Variants in DCLK2 observed in about 807,000 individuals in gnomAD.
DCLK2 encodes doublecortin like kinase 2, also known as serine/threonine-protein kinase DCLK2.
Under a neutral mutation model 78.4 loss-of-function variants are expected in DCLK2, and 31 were observed. The ratio of observed to expected loss-of-function variants is 0.40; its 90% CI spans 0.30 to 0.53. DCLK2 has a LOEUF of 0.53. Among genes scored for constraint, DCLK2 ranks in the 20% least tolerant of loss-of-function variants. DCLK2 has a pLI of 0.61. For missense variants in DCLK2, 872 were observed against 973.7 expected (o/e 0.90, Z 1.39); for synonymous variants, 407 against 374.9 (o/e 1.09, Z -0.99).
At chr4:150,192,816 C>G (rs1560853823) in intron 2 of DCLK2, among the ~76,000 whole-genome samples, 1 of 152,134 alleles carries the variant, frequency 6.6e-6, no homozygotes, top group Non-Finnish European at 1.5e-5. Context: ...GAGCAGAGGC[C>G]TTCATGAATG....
chr4:150,139,774 CT>C (rs1442302645), intron 2 of DCLK2, among the ~76,000 whole-genome samples: 3 of 152,182 alleles, frequency 2.0e-5, no homozygotes, highest in Non-Finnish European at 4.4e-5. Flanking sequence ...GGTAGGGAGG[CT>C]CAGCAGTGCC....
chr4:150,108,860 G>A (rs1731456829), intron 2 of DCLK2, among the ~76,000 whole-genome samples: 1 of 152,146 alleles, frequency 6.6e-6, no homozygotes, highest in African/African-American at 2.4e-5. Flanking sequence ...CATGGGCAGA[G>A]GCAAAACAGA....
rs555992075 is a variant in DCLK2, at chr4:150,173,948, T to G, written c.757-19190T>G. 5.9e-5 allele frequency among the ~76,000 whole-genome samples: 9 copies of G among 152,306 alleles called. No homozygotes were observed. In the South Asian group the frequency reaches 1.9e-3, roughly 32 times the overall value. On this transcript the variant is annotated intron_variant, in intron 2 of 15. Coordinates refer to ENST00000296550, the MANE Select transcript of DCLK2 (RefSeq NM_001040260.4). ...AGAGGGAAGGATTGCTGAACTCCTATGAAGTCGAAGGGGTTATGAATCTTC... is the reference window on the plus strand; with the variant it reads ...AGAGGGAAGGATTGCTGAACTCCTAGGAAGTCGAAGGGGTTATGAATCTTC...
chr4:150,111,173 A>G (rs1372696357), intron 2 of DCLK2, among the ~76,000 whole-genome samples: 1 of 152,100 alleles, frequency 6.6e-6, no homozygotes, highest in Non-Finnish European at 1.5e-5. Context: ...AATAATGGCC[A>G]TTCTGGTAGG....
At chr4:150,253,356 G>A (rs1744326100) in intron 15 of DCLK2, 1 of 1,092,396 alleles carries the variant, frequency 9.2e-7, no homozygotes, top group Non-Finnish European at 1.2e-6. Flanking sequence ...TCACCCTAGT[G>A]TTCTCATCCC....
intron 2 of DCLK2, among the ~76,000 whole-genome samples, chr4:150,176,900 C>G (rs1737131332): frequency 6.6e-6 from 1 of 152,186 alleles, no homozygotes; most frequent in African/African-American, 2.4e-5. Context: ...CCCTTACTTG[C>G]TGGTCCCAGT....
chr4:150,138,862 C>T (rs1282033799), intron 2 of DCLK2, among the ~76,000 whole-genome samples: 1 of 152,010 alleles, frequency 6.6e-6, no homozygotes, highest in Non-Finnish European at 1.5e-5. Flanking sequence ...GACAGGGTTT[C>T]ACCTTGTTAG....
At chr4:150,121,510 C>A (rs1353544043) in intron 2 of DCLK2, among the ~76,000 whole-genome samples, 1 of 152,222 alleles carries the variant, frequency 6.6e-6, no homozygotes, top group African/African-American at 2.4e-5. Flanking sequence ...TTCTAGTTCT[C>A]TTGCTATTTC....
Position 150,192,478 on chromosome 4 carries a change from C to CAAAAAAAA in DCLK2, c.757-650_757-643dup, listed in dbSNP as rs56235708. 6.0e-4 allele frequency among the ~76,000 whole-genome samples: 68 copies of CAAAAAAAA among 112,498 alleles called. 1 individual carries two copies. Among genetic ancestry groups the CAAAAAAAA allele is most frequent in the African/African-American group, 2.2e-3 (63 of 28,378 alleles). 73.8% of individuals were successfully genotyped at this position (112,498 alleles called of 152,430 possible). On this transcript the variant is annotated intron_variant, in intron 2 of 15. Transcript: ENST00000296550. ...CTGGTGACAGAGCAAGATTGCGTCT[C>CAAAAAAAA]AAAAAAAAAAAAAAAAACAAGTGAA...
At chr4:150,189,297 G>C (rs4696241) in intron 2 of DCLK2, among the ~76,000 whole-genome samples, 133,364 of 152,030 alleles carry the variant, frequency 0.88, 58,884 homozygotes, top group Middle Eastern at 0.96. Context: ...TGAATATATG[G>C]ATGTGAAAAA....
chr4:150,256,126 A>T lies in DCLK2; in HGVS notation c.2180A>T (p.Glu727Val), dbSNP rs1488423524. Residue 727 changes from glutamate (E) to valine (V), a missense_variant, in exon 16 of 16, where the codon GAG becomes GTG. Glu to Val is a moderately radical substitution (Grantham distance 121). Transcript: ENST00000296550. Reference sequence around the variant, plus strand: ...TCTCCAGTTCCTCCCTCAGTGGAGGAGATCCCTGTGCCTGGGGAAGCAGTC... The same window carrying T: ...TCTCCAGTTCCTCCCTCAGTGGAGGTGATCCCTGTGCCTGGGGAAGCAGTC... ...PISPVPPSVE[E>V]IPVPGEAVPA... 6.2e-7 allele frequency: 1 copy of T among 1,611,914 alleles called. No individual in the cohort carries two copies. The highest frequency in any genetic ancestry group is 8.5e-7 in the Non-Finnish European group (1 of 1,179,736).
At chr4:150,162,594 T>G (rs145035826) in intron 2 of DCLK2, among the ~76,000 whole-genome samples, 2 of 152,148 alleles carry the variant, frequency 1.3e-5, no homozygotes, top group African/African-American at 4.8e-5. Flanking sequence ...GTCTTAATTA[T>G]GTTTCTGAGC....
In DCLK2 at chr4:150,144,009, A is replaced by T. The variant is rs188151226; in HGVS notation, c.756+41197A>T. On this transcript the variant is annotated intron_variant, in intron 2 of 15. Transcript: ENST00000296550. ...TGTAGGTTGGCTGTTTACTCTGTTG[A>T]TTCTCTCTTTTGCTGTGCAGAAGCC... 7.2e-4 allele frequency among the ~76,000 whole-genome samples: 109 copies of T among 151,508 alleles called. 1 individual carries two copies. Among genetic ancestry groups the T allele is most frequent in the Non-Finnish European group, 1.0e-3 (69 of 67,896 alleles).
intron 5 of DCLK2, among the ~76,000 whole-genome samples, chr4:150,219,814 G>A (rs773891743): frequency 2.0e-5 from 3 of 152,284 alleles, no homozygotes; most frequent in South Asian, 2.1e-4. Flanking sequence ...AGTATAAAAC[G>A]CATCAGAACA....
chr4:150,106,676 G>A (rs1731278918), intron 2 of DCLK2, among the ~76,000 whole-genome samples: 1 of 152,210 alleles, frequency 6.6e-6, no homozygotes, highest in African/African-American at 2.4e-5. Flanking sequence ...TGACACCTGT[G>A]TGAGAGTTTT....
At chr4:150,160,438 T>C (rs928162784) in intron 2 of DCLK2, among the ~76,000 whole-genome samples, 4 of 152,224 alleles carry the variant, frequency 2.6e-5, no homozygotes, top group African/African-American at 7.2e-5. Flanking sequence ...ACCATGTTGA[T>C]CAGGAGGTCC....
intron 2 of DCLK2, among the ~76,000 whole-genome samples, chr4:150,105,178 G>C (rs1415166932): frequency 6.6e-6 from 1 of 152,106 alleles, no homozygotes; most frequent in African/African-American, 2.4e-5. Context: ...TAGTTATGTT[G>C]AAATGGGAAC....
At chr4:150,210,722 T>A (rs1199985628) in intron 5 of DCLK2, among the ~76,000 whole-genome samples, 1 of 151,934 alleles carries the variant, frequency 6.6e-6, no homozygotes, top group Non-Finnish European at 1.5e-5. Context: ...CCGAGGTGGG[T>A]GGATCACCTG....
chr4:150,114,286 C>T (rs1381080473), intron 2 of DCLK2, among the ~76,000 whole-genome samples: 2 of 151,994 alleles, frequency 1.3e-5, no homozygotes, highest in Non-Finnish European at 2.9e-5. Context: ...AGCTTAAATC[C>T]AGTGTCTCCT....
Sources: allele counts gnomAD v4.1 joint callset (sites outside exome capture counted in the v4.1 genomes callset), GRCh38; gene constraint gnomAD v4.1.1; transcripts MANE v1.5; gene names NCBI Gene and HGNC (gene_info 2026-07-23, HGNC 2026-07-21).